The following CNOT6 variants were observed in gnomAD, a reference collection of about 807,000 sequenced individuals.
CNOT6 encodes the protein CCR4-NOT transcription complex subunit 6.
Under a neutral mutation model 61.2 loss-of-function variants are expected in CNOT6, and 12 were observed. That is an observed-to-expected ratio of 0.20 (90% confidence interval 0.13 to 0.32). CNOT6 has a LOEUF of 0.32. CNOT6 is among the 10% of genes least tolerant of loss of function. CNOT6 has a pLI of 1.00. For missense variants in CNOT6, 405 were observed against 663.9 expected (o/e 0.61, Z 4.28); for synonymous variants, 225 against 240.6 (o/e 0.94, Z 0.60).
At chr5:180,548,022 C>T (rs1759402442) in intron 2 of CNOT6, among the ~76,000 whole-genome samples, 1 of 152,240 alleles carries the variant, frequency 6.6e-6, no homozygotes, top group South Asian at 2.1e-4. Context: ...GCATGAGCCA[C>T]CGCATCCTGC....
chr5:180,551,431 TCTCA>T (rs1465165427), intron 3 of CNOT6, among the ~76,000 whole-genome samples: 1 of 152,162 alleles, frequency 6.6e-6, no homozygotes, highest in Non-Finnish European at 1.5e-5. Context: ...GAGATGAGGG[TCTCA>T]CTATGTTGCC....
chr5:180,575,721 C>T lies in CNOT6; in HGVS notation c.*1521C>T, dbSNP rs1318371651. On this transcript the variant is annotated 3_prime_UTR_variant, in exon 12 of 12. Coordinates refer to ENST00000261951, the MANE Select transcript of CNOT6 (RefSeq NM_001370472.1). ...TGTACATGGTCTGCTCTCATTTATTCATTCTTCTCTCAAAAGTCAAATGAA... is the reference window on the plus strand; with the variant it reads ...TGTACATGGTCTGCTCTCATTTATTTATTCTTCTCTCAAAAGTCAAATGAA... 5 of 152,550 alleles carry T rather than the reference C, an allele frequency of 3.3e-5. No individual in the cohort carries two copies. The highest frequency in any genetic ancestry group is 7.3e-5 in the Non-Finnish European group (5 of 68,030). 9.4% of individuals were successfully genotyped at this position (152,550 alleles called of 1,614,324 possible). A position where few individuals can be genotyped will look rare whatever the true frequency, so the allele number is the denominator to read the frequency against.
At chr5:180,539,396 T>C (rs1447481155) in intron 2 of CNOT6, among the ~76,000 whole-genome samples, 2 of 151,812 alleles carry the variant, frequency 1.3e-5, no homozygotes, top group Non-Finnish European at 2.9e-5. Context: ...CTTTTCTAAA[T>C]TTTTTGTTCT....
At chr5:180,545,084 T>A (rs1458049321) in intron 2 of CNOT6, among the ~76,000 whole-genome samples, 1 of 152,178 alleles carries the variant, frequency 6.6e-6, no homozygotes, top group African/African-American at 2.4e-5. Flanking sequence ...TAGCTTGTGG[T>A]ATGGTGTCTG....
intron 4 of CNOT6, among the ~76,000 whole-genome samples, chr5:180,563,250 CTG>C (rs1462524437): frequency 6.8e-6 from 1 of 147,396 alleles, no homozygotes; most frequent in African/African-American, 2.5e-5. Context: ...GAGTCTCGCT[CTG>C]TTGCCCAGGC....
chr5:180,499,539 C>T (rs1255071133), intron 1 of CNOT6, among the ~76,000 whole-genome samples: 1 of 152,212 alleles, frequency 6.6e-6, no homozygotes, highest in Admixed American at 6.5e-5. Flanking sequence ...TTTATACAGT[C>T]AGTTCTGCTG....
intron 4 of CNOT6, among the ~76,000 whole-genome samples, chr5:180,561,995 G>A (rs532019942): frequency 4.6e-5 from 7 of 152,212 alleles, no homozygotes; most frequent in African/African-American, 7.2e-5. Flanking sequence ...GAGTACAGTG[G>A]TTCTTATCTA....
chr5:180,517,638 G>A (rs1416802510), intron 1 of CNOT6, among the ~76,000 whole-genome samples: 1 of 151,948 alleles, frequency 6.6e-6, no homozygotes, highest in African/African-American at 2.4e-5. Flanking sequence ...CTGCCTCCCG[G>A]GTTCAAGCGA....
intron 10 of CNOT6, among the ~76,000 whole-genome samples, chr5:180,570,794 T>C (rs1760711695): frequency 6.6e-6 from 1 of 152,232 alleles, no homozygotes; most frequent in South Asian, 2.1e-4. Flanking sequence ...TCTTCCATAG[T>C]TGGCAGCATT....
chr5:180,553,404 C>T lies in CNOT6; in HGVS notation c.318C>T (p.Asn106=). 6.2e-7 allele frequency: 1 copy of T among 1,613,680 alleles called. No homozygotes were observed. Among genetic ancestry groups the T allele is most frequent in the South Asian group, 1.1e-5 (1 of 90,982 alleles). Reference sequence around the variant, plus strand: ...TCAACAGGGAGCTCCATTTAAATAACAACCTGTTACGAGTTCTACCTTTTG... The same window carrying T: ...TCAACAGGGAGCTCCATTTAAATAATAACCTGTTACGAGTTCTACCTTTTG... ...MVSLRELHLN[N]NLLRVLPFEL... Residue 106 remains asparagine, a synonymous_variant, in exon 4 of 12, where the codon AAC becomes AAT. Coordinates refer to ENST00000261951, the MANE Select transcript of CNOT6 (RefSeq NM_001370472.1).
chr5:180,502,179 G>A (rs1476790854), intron 1 of CNOT6, among the ~76,000 whole-genome samples: 1 of 152,140 alleles, frequency 6.6e-6, no homozygotes, highest in Non-Finnish European at 1.5e-5. Flanking sequence ...TATATTGCGT[G>A]TATGTTTCCA....
chr5:180,536,505 G>A (rs530738069), intron 2 of CNOT6, among the ~76,000 whole-genome samples: 1 of 151,800 alleles, frequency 6.6e-6, no homozygotes, highest in Non-Finnish European at 1.5e-5. Flanking sequence ...TGTGGCCCAG[G>A]CTGGATGGAG....
At chr5:180,495,067 T>C (rs1028975717) in intron 1 of CNOT6, among the ~76,000 whole-genome samples, 3 of 151,918 alleles carry the variant, frequency 2.0e-5, no homozygotes, top group African/African-American at 7.3e-5. Flanking sequence ...CCGGCTGCCG[T>C]CGTCGGAGGA....
chr5:180,530,399 C>T (rs1050609150), intron 2 of CNOT6, among the ~76,000 whole-genome samples: 11 of 152,018 alleles, frequency 7.2e-5, no homozygotes, highest in Admixed American at 5.2e-4. Context: ...TATAAAAGTG[C>T]TATATAACAG....
chr5:180,496,219 T>A lies in CNOT6; in HGVS notation c.-3+1456T>A, dbSNP rs1756607936. Reference sequence around the variant, plus strand: ...TGCCTGGCCATCACAGTGTTTAGAATGTGATGACTTTTAGAGTAAAATTTA... The same window carrying A: ...TGCCTGGCCATCACAGTGTTTAGAAAGTGATGACTTTTAGAGTAAAATTTA... On this transcript the variant is annotated intron_variant, in intron 1 of 11. Transcript: ENST00000261951. Among the ~76,000 whole-genome samples the A allele has an allele frequency of 2.6e-5, 4 of 152,206 alleles. No individual in the cohort carries two copies. The South Asian group carries it at 8.3e-4, about 32-fold the overall frequency.
intron 4 of CNOT6, among the ~76,000 whole-genome samples, chr5:180,554,602 A>AG (rs1759787228): frequency 4.8e-5 from 2 of 41,992 alleles, no homozygotes; most frequent in Non-Finnish European, 1.2e-4. Flanking sequence ...ATGGTTTGTA[A>AG]TTTTTTTTCT....
At chr5:180,517,538 T>C (rs1362564677) in intron 1 of CNOT6, among the ~76,000 whole-genome samples, 4 of 151,460 alleles carry the variant, frequency 2.6e-5, no homozygotes, top group Admixed American at 2.0e-4. Flanking sequence ...AAAGTAGGGC[T>C]TTTTTTTTCT....
rs373260577 is a variant in CNOT6 at position 180,569,093 on chromosome 5, G to A, written c.1028-17G>A. On this transcript the variant is annotated splice_polypyrimidine_tract_variant and intron_variant, in intron 9 of 11. Transcript: ENST00000261951. ...CGGGTTTTGTCTCTTTCTTTGTTTC[G>A]TTTTTATCTAATGTAGCCGGAAAGC... 1.1e-5 allele frequency: 18 copies of A among 1,594,488 alleles called. No individual in the cohort carries two copies. The highest frequency in any genetic ancestry group is 1.7e-4 in the Middle Eastern group (1 of 6,030).
intron 1 of CNOT6, among the ~76,000 whole-genome samples, chr5:180,516,078 T>G (rs770850148): frequency 1.1e-4 from 16 of 152,038 alleles, no homozygotes; most frequent in Non-Finnish European, 2.4e-4. Flanking sequence ...GCCTGGCTAA[T>G]TTTTGTGTAG....
Sources: gnomAD v4.1 joint callset for allele counts (sites outside exome capture counted in the v4.1 genomes callset) on GRCh38, gnomAD v4.1.1 for gene constraint, MANE v1.5 for transcripts, NCBI Gene and HGNC (gene_info 2026-07-23, HGNC 2026-07-21) for gene names.